KIAA1328: variants seen among roughly 807,000 people sequenced by gnomAD.
The protein encoded by KIAA1328 is protein hinderin.
A neutral mutation model predicts 68.1 loss-of-function variants in KIAA1328; 52 were observed. The ratio of observed to expected loss-of-function variants is 0.76; its 90% confidence interval spans 0.61 to 0.96. The LOEUF is 0.96. KIAA1328 is among the 40% of genes least tolerant of loss of function. The probability of loss-of-function intolerance (pLI) is 0.00; values close to 1 mark genes in which losing one functional copy is unlikely to be tolerated. For missense variants in KIAA1328, 641 were observed against 677.6 expected (o/e 0.95, Z 0.60); for synonymous variants, 232 against 239.4 (o/e 0.97, Z 0.28).
chr18:36,853,478 T>C (rs2047280787), intron 4 of KIAA1328, among the ~76,000 whole-genome samples: 1 of 152,110 alleles, frequency 6.6e-6, no homozygotes, highest in South Asian at 2.1e-4. Context: ...AAAGTTATTT[T>C]CTTAGTGGTT....
At chr18:37,105,018 A>C (rs78803026) in intron 7 of KIAA1328, among the ~76,000 whole-genome samples, 4 of 152,136 alleles carry the variant, frequency 2.6e-5, no homozygotes, top group Non-Finnish European at 5.9e-5. Context: ...AATTCTTTGC[A>C]ATTTGTAACC....
intron 8 of KIAA1328, among the ~76,000 whole-genome samples, chr18:37,167,642 G>A (rs1266823748): frequency 6.6e-6 from 1 of 152,034 alleles, no homozygotes; most frequent in Non-Finnish European, 1.5e-5. Context: ...AGCTGCTTGT[G>A]TGCTCTTCTG....
At chr18:37,205,486 AG>A (rs1274296218) in intron 9 of KIAA1328, among the ~76,000 whole-genome samples, 2 of 152,198 alleles carry the variant, frequency 1.3e-5, no homozygotes, top group Non-Finnish European at 2.9e-5. Context: ...CAAACAAGGG[AG>A]GGGACAGAAT....
At chr18:37,180,364 T>A (rs1043776992) in intron 9 of KIAA1328, among the ~76,000 whole-genome samples, 1 of 152,192 alleles carries the variant, frequency 6.6e-6, no homozygotes, top group Non-Finnish European at 1.5e-5. Context: ...ATCGAGCTTT[T>A]CTAATCGCAA....
chr18:37,018,188 G>C (rs2054219263), intron 6 of KIAA1328, among the ~76,000 whole-genome samples: 1 of 152,090 alleles, frequency 6.6e-6, no homozygotes, highest in Admixed American at 6.6e-5. Context: ...TGCTTGTCTG[G>C]AAAAGATTTT....
chr18:36,957,782 T>C (rs1414954048), intron 5 of KIAA1328, among the ~76,000 whole-genome samples: 1 of 152,186 alleles, frequency 6.6e-6, no homozygotes, highest in Non-Finnish European at 1.5e-5. Context: ...CCCATACTGA[T>C]TTTTTAAAAT....
intron 5 of KIAA1328, among the ~76,000 whole-genome samples, chr18:36,908,658 C>T (rs1277415478): frequency 6.6e-6 from 1 of 152,066 alleles, no homozygotes; most frequent in Non-Finnish European, 1.5e-5. Flanking sequence ...TTTTTAATAG[C>T]TAATTATTAC....
intron 6 of KIAA1328, among the ~76,000 whole-genome samples, chr18:37,029,686 T>TG (rs1269043098): frequency 6.6e-6 from 1 of 152,234 alleles, no homozygotes; most frequent in East Asian, 1.9e-4. Context: ...TCTGTAGTTC[T>TG]GTTTTCTTTT....
chr18:37,186,637 T>C (rs2059807636), intron 9 of KIAA1328, among the ~76,000 whole-genome samples: 1 of 151,780 alleles, frequency 6.6e-6, no homozygotes, highest in Admixed American at 6.6e-5. Flanking sequence ...GCTTAAGATT[T>C]CTGGATCTAT....
intron 6 of KIAA1328, among the ~76,000 whole-genome samples, chr18:36,961,104 G>A (rs150978481): frequency 0.011 from 1,731 of 152,160 alleles, 21 homozygotes; most frequent in South Asian, 0.046. Context: ...GAATAAACAC[G>A]GTAGAGAAGA....
chr18:36,932,924 T>G (rs554359752), intron 5 of KIAA1328, among the ~76,000 whole-genome samples: 1 of 152,184 alleles, frequency 6.6e-6, no homozygotes, highest in Non-Finnish European at 1.5e-5. Flanking sequence ...TTCAGGAAAG[T>G]TTACAATTAG....
At chr18:36,972,565 C>T (rs1030317431) in intron 6 of KIAA1328, among the ~76,000 whole-genome samples, 3 of 152,128 alleles carry the variant, frequency 2.0e-5, no homozygotes, top group African/African-American at 7.2e-5. Context: ...TCCAAAACTT[C>T]GGCCTACTTT....
At chr18:36,949,178 G>A (rs1380217422) in intron 5 of KIAA1328, among the ~76,000 whole-genome samples, 1 of 152,128 alleles carries the variant, frequency 6.6e-6, no homozygotes, top group African/African-American at 2.4e-5. Flanking sequence ...TTGCTTTAAA[G>A]CAGCCTTTCC....
chr18:37,135,762 G>T (rs554874862), intron 7 of KIAA1328, among the ~76,000 whole-genome samples: 2 of 152,070 alleles, frequency 1.3e-5, no homozygotes, highest in Non-Finnish European at 2.9e-5. Flanking sequence ...TCCCAAGGCC[G>T]ATGTCCAGAA....
chr18:37,092,646 A>T (rs1381886084), intron 7 of KIAA1328, among the ~76,000 whole-genome samples: 1 of 152,072 alleles, frequency 6.6e-6, no homozygotes, highest in African/African-American at 2.4e-5. Context: ...ATCCAGTGGC[A>T]TAAGGACAGA....
intron 4 of KIAA1328, among the ~76,000 whole-genome samples, chr18:36,854,282 GGAAATAA>G (rs1442008151): frequency 6.6e-6 from 1 of 152,144 alleles, no homozygotes; most frequent in Non-Finnish European, 1.5e-5. Flanking sequence ...AGAAATAGGA[GGAAATAA>G]GTTTCAGTTG....
intron 6 of KIAA1328, among the ~76,000 whole-genome samples, chr18:36,982,891 A>G (rs1334804643): frequency 2.6e-5 from 4 of 152,050 alleles, no homozygotes; most frequent in East Asian, 1.9e-4. Context: ...TTTTTATCCT[A>G]TATGTGAACT....
chr18:37,212,179 G>A (rs1206944204), intron 9 of KIAA1328, among the ~76,000 whole-genome samples: 1 of 152,210 alleles, frequency 6.6e-6, no homozygotes, highest in African/African-American at 2.4e-5. Flanking sequence ...AAATTTCCTA[G>A]AAGCAGTACT....
intron 6 of KIAA1328, among the ~76,000 whole-genome samples, chr18:36,985,965 A>G (rs1162718134): frequency 2.0e-5 from 3 of 152,214 alleles, no homozygotes; most frequent in South Asian, 4.1e-4. Context: ...GGCTTCCCCT[A>G]TCAAGCAAGG....
Sources: gnomAD v4.1 joint callset for allele counts (sites outside exome capture counted in the v4.1 genomes callset) on GRCh38, gnomAD v4.1.1 for gene constraint, MANE v1.5 for transcripts, NCBI Gene and HGNC (gene_info 2026-07-23, HGNC 2026-07-21) for gene names.